Variants in KLF3 observed in about 807,000 individuals in gnomAD.
KLF3 encodes Krueppel-like factor 3.
Under a neutral mutation model 32.7 loss-of-function variants are expected in KLF3, and 6 were observed. That is an observed-to-expected ratio of 0.18 (90% CI 0.10 to 0.36). The LOEUF (loss-of-function observed/expected upper bound fraction) is 0.36, where lower values mean the gene tolerates loss of function less well. Among genes scored for constraint, KLF3 ranks in the 10% least tolerant of loss-of-function variants. The pLI is 1.00. For missense variants in KLF3, 338 were observed against 449.7 expected (o/e 0.75, Z 2.25); for synonymous variants, 145 against 172.8 (o/e 0.84, Z 1.26).
chr4:38,685,245 T>C (rs921896481), intron 2 of KLF3, among the ~76,000 whole-genome samples: 1 of 152,154 alleles, frequency 6.6e-6, no homozygotes, highest in African/African-American at 2.4e-5. Flanking sequence ...GCCACCCAAA[T>C]AAAGTGAACC....
At chr4:38,665,787 T>G (rs1722015757) in intron 1 of KLF3, among the ~76,000 whole-genome samples, 1 of 152,158 alleles carries the variant, frequency 6.6e-6, no homozygotes, top group Non-Finnish European at 1.5e-5. Flanking sequence ...CACACAGCAG[T>G]TTTGTGCTAT....
Position 38,683,883 on chromosome 4 carries a change from CT to C in KLF3, c.57+3205del, listed in dbSNP as rs563665525. The stretch of plus-strand genomic sequence containing the variant: ...TTCCTCTGCTCTTTTCTAACAGAAA[CT>C]TTTCATGGCTTTTTCAAGCCTGGTG... On this transcript the variant is annotated intron_variant, in intron 2 of 5. Coordinates refer to ENST00000261438, the MANE Select transcript of KLF3 (RefSeq NM_016531.6). 4.5e-3 allele frequency among the ~76,000 whole-genome samples: 688 copies of C among 152,252 alleles called. 4 individuals carry two copies. Among genetic ancestry groups the C allele is most frequent in the Non-Finnish European group, 7.8e-3 (532 of 68,022 alleles).
chr4:38,673,257 G>A (rs1198656112), intron 1 of KLF3, among the ~76,000 whole-genome samples: 2 of 152,140 alleles, frequency 1.3e-5, no homozygotes, highest in Non-Finnish European at 2.9e-5. Flanking sequence ...GCGCCAACTG[G>A]TCCCTCCCAA....
chr4:38,697,919 G>A lies in KLF3; in HGVS notation c.*656G>A, dbSNP rs1404923716. The stretch of plus-strand genomic sequence containing the variant: ...TGAGCCCAAACTTTCGATCTAGGTG[G>A]GTGATGTGTAGCAGTTCAAGGGAAG... On this transcript the variant is annotated 3_prime_UTR_variant, in exon 6 of 6. Coordinates refer to ENST00000261438, the MANE Select transcript of KLF3 (RefSeq NM_016531.6). The A allele has an allele frequency of 6.6e-6, 1 of 152,230 alleles. No individual in the cohort carries two copies. The highest frequency in any genetic ancestry group is 1.5e-5 in the Non-Finnish European group (1 of 68,060). The allele number at this position is 152,230 out of a possible 1,614,324, so 9.4% of individuals were successfully genotyped here.
At chr4:38,694,517 T>G (rs1722991938) in intron 4 of KLF3, among the ~76,000 whole-genome samples, 1 of 152,220 alleles carries the variant, frequency 6.6e-6, no homozygotes, top group Admixed American at 6.5e-5. Context: ...TTATTCATCT[T>G]TGTGTCCCGG....
chr4:38,667,131 C>A (rs1021126930), intron 1 of KLF3, among the ~76,000 whole-genome samples: 1 of 152,174 alleles, frequency 6.6e-6, no homozygotes, highest in Non-Finnish European at 1.5e-5. Context: ...ATTATTCACA[C>A]CCGTAGAACA....
chr4:38,687,482 G>A (rs1722737678), intron 2 of KLF3, among the ~76,000 whole-genome samples: 1 of 152,174 alleles, frequency 6.6e-6, no homozygotes, highest in African/African-American at 2.4e-5. Context: ...ATGAAAGTTA[G>A]GTTATCCTGA....
Position 38,686,775 on chromosome 4 carries a change from C to A in KLF3, c.58-1810C>A, listed in dbSNP as rs115665321. ...GGTTATCCCATAACCTTGATCTTAA[C>A]CATGAGGACCTGACATCCAAACCAG... On this transcript the variant is annotated intron_variant, in intron 2 of 5. Coordinates refer to ENST00000261438, the MANE Select transcript of KLF3 (RefSeq NM_016531.6). 2.2e-3 allele frequency among the ~76,000 whole-genome samples: 335 copies of A among 152,266 alleles called. 1 individual carries two copies. Among genetic ancestry groups the A allele is most frequent in the African/African-American group, 7.0e-3 (290 of 41,544 alleles).
intron 4 of KLF3, among the ~76,000 whole-genome samples, chr4:38,692,069 T>C (rs1722891650): frequency 6.6e-6 from 1 of 152,212 alleles, no homozygotes; most frequent in Admixed American, 6.5e-5. Context: ...ACAAAAAGAT[T>C]TCTTTGTTCT....
chr4:38,694,469 C>T (rs1458601893), intron 4 of KLF3, among the ~76,000 whole-genome samples: 1 of 152,100 alleles, frequency 6.6e-6, no homozygotes. Context: ...TCTGTCTCCC[C>T]CTAGAGTGTG....
intron 2 of KLF3, among the ~76,000 whole-genome samples, chr4:38,687,294 A>C (rs890079566): frequency 5.3e-5 from 8 of 152,236 alleles, no homozygotes; most frequent in African/African-American, 1.4e-4. Context: ...TGCCTAGTAA[A>C]GATGATGGTT....
chr4:38,683,771 CT>C (rs1236995815), intron 2 of KLF3, among the ~76,000 whole-genome samples: 1 of 152,124 alleles, frequency 6.6e-6, no homozygotes, highest in African/African-American at 2.4e-5. Flanking sequence ...GGAAAGATTA[CT>C]TTTGAAGAAA....
At chr4:38,666,742 T>C (rs1722055403) in intron 1 of KLF3, among the ~76,000 whole-genome samples, 1 of 152,250 alleles carries the variant, frequency 6.6e-6, no homozygotes, top group South Asian at 2.1e-4. Flanking sequence ...GTGAAAATTT[T>C]GGGTTACTGT....
chr4:38,693,979 C>T (rs1271325158), intron 4 of KLF3, among the ~76,000 whole-genome samples: 1 of 152,148 alleles, frequency 6.6e-6, no homozygotes, highest in Non-Finnish European at 1.5e-5. Context: ...GTAGGGAGAA[C>T]GTCAGGCATG....
At position 38,697,587 on chromosome 4, in the gene KLF3, C is replaced by G; in HGVS notation, c.*324C>G. 4.3e-6 allele frequency: 1 copy of G among 232,540 alleles called. No individual in the cohort carries two copies. Among genetic ancestry groups the G allele is most frequent in the East Asian group, 8.6e-5 (1 of 11,564 alleles). The allele number at this position is 232,540 out of a possible 1,614,324, so 14.4% of individuals were successfully genotyped here. A position where few individuals can be genotyped will look rare whatever the true frequency, so the allele number is the denominator to read the frequency against. Reference sequence around the variant, plus strand: ...AAACTAACATAACCAATTGTCAGTTCTCCATGTATTCCTCAAAAGAATGTC... The same window carrying G: ...AAACTAACATAACCAATTGTCAGTTGTCCATGTATTCCTCAAAAGAATGTC... On this transcript the variant is annotated 3_prime_UTR_variant, in exon 6 of 6. Transcript: ENST00000261438.
intron 5 of KLF3, among the ~76,000 whole-genome samples, chr4:38,695,542 AT>A (rs1560420975): frequency 6.6e-6 from 1 of 152,166 alleles, no homozygotes; most frequent in Non-Finnish European, 1.5e-5. Flanking sequence ...AGTGCCAAAC[AT>A]TTTGGTAGTA....
intron 2 of KLF3, among the ~76,000 whole-genome samples, chr4:38,682,063 C>G (rs1314696744): frequency 6.6e-6 from 1 of 152,234 alleles, no homozygotes; most frequent in African/African-American, 2.4e-5. Context: ...AATCAAAAAA[C>G]TAAATTACTT....
chr4:38,666,251 A>G (rs1204314422), intron 1 of KLF3, among the ~76,000 whole-genome samples: 1 of 152,266 alleles, frequency 6.6e-6, no homozygotes, highest in Non-Finnish European at 1.5e-5. Flanking sequence ...TGCTTAGACC[A>G]CAAAACCTTG....
chr4:38,691,744 A>G (rs552914576), intron 4 of KLF3, among the ~76,000 whole-genome samples: 1 of 152,240 alleles, frequency 6.6e-6, no homozygotes, highest in African/African-American at 2.4e-5. Context: ...AAAAAACGCA[A>G]CAGATTAGCC....
Sources: allele counts gnomAD v4.1 joint callset (sites outside exome capture counted in the v4.1 genomes callset), GRCh38; gene constraint gnomAD v4.1.1; transcripts MANE v1.5; gene names NCBI Gene and HGNC (gene_info 2026-07-23, HGNC 2026-07-21).